GALNT1: variants seen among roughly 807,000 people sequenced by gnomAD.
GALNT1 encodes polypeptide N-acetylgalactosaminyltransferase 1.
In GALNT1, 17 loss-of-function variants were observed where a neutral mutation model predicts 65.7. The observed-to-expected ratio is 0.26, with a 90% CI of 0.18 to 0.39. The LOEUF is 0.39. Among genes scored for constraint, GALNT1 ranks in the 10% least tolerant of loss-of-function variants. The pLI is 1.00. For synonymous variants in GALNT1, 210 were observed against 219.7 expected, an observed-to-expected ratio of 0.96 and a Z score of 0.39; for missense variants, 460 against 672.8, an observed-to-expected ratio of 0.68 and a Z score of 3.50.
chr18:35,638,656 G>A lies in GALNT1; in HGVS notation c.-103-15904G>A, dbSNP rs566226690. 4.6e-5 allele frequency among the ~76,000 whole-genome samples: 7 copies of A among 152,230 alleles called. No individual in the cohort carries two copies. In the East Asian group the frequency reaches 9.7e-4, roughly 21 times the overall value. On this transcript the variant is annotated intron_variant, in intron 1 of 11. Transcript: ENST00000269195. ...TTCTGAAGCTTTTGTAAAATCTCCC[G>A]GCCTTCCAAGAAGGTTTGCATCTTT...
At position 35,687,093 on chromosome 18, in the gene GALNT1, A is replaced by G. The variant is rs1490449464; in HGVS notation, c.767A>G (p.Tyr256Cys). 1.9e-6 allele frequency: 3 copies of G among 1,613,950 alleles called. No homozygotes were observed. The highest frequency in any genetic ancestry group is 1.1e-5 in the South Asian group (1 of 91,082). The stretch of plus-strand genomic sequence containing the variant: ...TACATGGCAGGCTCTGATATGACCT[A>G]TGGTGGGTTCAACTGGAAGCTCAAT... ...FEYMAGSDMT[Y>C]GGFNWKLNFR... The change falls in exon 6 of 12, where the codon TAT (tyrosine) becomes TGT (cysteine). Residue 256 changes from tyrosine (Y) to cysteine (C), a missense_variant. Tyr to Cys is a radical substitution (Grantham distance 194). Transcript: ENST00000269195.
chr18:35,604,878 G>A (rs747361155), intron 1 of GALNT1, among the ~76,000 whole-genome samples: 7 of 152,064 alleles, frequency 4.6e-5, no homozygotes, highest in African/African-American at 1.2e-4. Flanking sequence ...TAGAAACTGC[G>A]TAAATTAGGA....
chr18:35,668,223 A>G (rs982156796), intron 3 of GALNT1, among the ~76,000 whole-genome samples: 1 of 152,204 alleles, frequency 6.6e-6, no homozygotes, highest in Non-Finnish European at 1.5e-5. Context: ...ATAAAAACGT[A>G]CAGTAGAGGA....
chr18:35,699,317 A>G (rs2048116604), intron 9 of GALNT1, among the ~76,000 whole-genome samples: 1 of 152,240 alleles, frequency 6.6e-6, no homozygotes, highest in Non-Finnish European at 1.5e-5. Context: ...ATCTACTTCA[A>G]CCAAGAAAAG....
intron 1 of GALNT1, among the ~76,000 whole-genome samples, chr18:35,611,574 A>G (rs938336371): frequency 2.0e-5 from 3 of 152,226 alleles, no homozygotes; most frequent in Admixed American, 6.5e-5. Flanking sequence ...ATAAAATTCA[A>G]TCAAGGTCCA....
At chr18:35,616,281 CTA>C (rs1306058904) in intron 1 of GALNT1, among the ~76,000 whole-genome samples, 1 of 152,078 alleles carries the variant, frequency 6.6e-6, no homozygotes, top group Non-Finnish European at 1.5e-5. Context: ...CATGTATAGT[CTA>C]TGTGACGCTG....
At chr18:35,699,150 G>A (rs148924537) in intron 9 of GALNT1, among the ~76,000 whole-genome samples, 19 of 152,146 alleles carry the variant, frequency 1.2e-4, no homozygotes, top group African/African-American at 3.6e-4. Context: ...TATAACTAAT[G>A]TATGCCCCCT....
At chr18:35,649,729 G>C (rs757291064) in intron 1 of GALNT1, among the ~76,000 whole-genome samples, 1 of 152,128 alleles carries the variant, frequency 6.6e-6, no homozygotes, top group Non-Finnish European at 1.5e-5. Context: ...TCAAAAATTT[G>C]AGTTAATATT....
chr18:35,695,332 C>CAAGT (rs1245891437), intron 9 of GALNT1, among the ~76,000 whole-genome samples: 1 of 152,006 alleles, frequency 6.6e-6, no homozygotes, highest in Non-Finnish European at 1.5e-5. Context: ...GGAATGGGAA[C>CAAGT]AAGTGCAGGG....
intron 1 of GALNT1, among the ~76,000 whole-genome samples, chr18:35,622,984 C>T (rs1233642388): frequency 2.0e-5 from 3 of 152,128 alleles, no homozygotes; most frequent in Admixed American, 1.3e-4. Flanking sequence ...CTCTTACCCA[C>T]ACCTCCATTC....
intron 3 of GALNT1, among the ~76,000 whole-genome samples, chr18:35,674,042 T>A (rs2047671424): frequency 6.6e-6 from 1 of 152,204 alleles, no homozygotes; most frequent in African/African-American, 2.4e-5. Context: ...CAATAGTGTT[T>A]GTGTATCTAA....
chr18:35,663,909 C>T, intron 3 of GALNT1, 107 bp downstream of exon 3: 3 of 955,384 alleles, frequency 3.1e-6, no homozygotes, highest in Non-Finnish European at 4.9e-6. Flanking sequence ...TGTTATATCA[C>T]TATGTTACTA....
chr18:35,639,024 G>GCTAT (rs1379149891), intron 1 of GALNT1, among the ~76,000 whole-genome samples: 1 of 152,200 alleles, frequency 6.6e-6, no homozygotes, highest in Non-Finnish European at 1.5e-5. Context: ...CTCCTTGTGA[G>GCTAT]GATGCTATGA....
chr18:35,647,880 G>T (rs2047251772), intron 1 of GALNT1, among the ~76,000 whole-genome samples: 1 of 151,974 alleles, frequency 6.6e-6, no homozygotes, highest in Non-Finnish European at 1.5e-5. Context: ...TTTGGCATGT[G>T]ATATTAAGAA....
At chr18:35,692,618 C>T (rs976244762) in intron 9 of GALNT1, among the ~76,000 whole-genome samples, 4 of 150,974 alleles carry the variant, frequency 2.6e-5, no homozygotes, top group African/African-American at 9.8e-5. Context: ...CAGACTGCAC[C>T]ATCTGCAATT....
intron 1 of GALNT1, among the ~76,000 whole-genome samples, chr18:35,618,636 A>G (rs971261546): frequency 1.3e-5 from 2 of 152,178 alleles, no homozygotes; most frequent in Non-Finnish European, 2.9e-5. Context: ...TGTGAATTAA[A>G]TAGCAGGTTT....
intron 1 of GALNT1, among the ~76,000 whole-genome samples, chr18:35,586,222 T>C (rs2046376587): frequency 6.6e-6 from 1 of 152,222 alleles, no homozygotes; most frequent in African/African-American, 2.4e-5. Flanking sequence ...ACTTCTCATG[T>C]GCTTATTTGT....
chr18:35,644,067 G>A (rs16966948), intron 1 of GALNT1, among the ~76,000 whole-genome samples: 14,508 of 152,004 alleles, frequency 0.095, 839 homozygotes, highest in African/African-American at 0.17. Flanking sequence ...TGAAACATTC[G>A]AGCCAATAAA....
At chr18:35,643,032 C>T (rs890942120) in intron 1 of GALNT1, among the ~76,000 whole-genome samples, 13 of 152,090 alleles carry the variant, frequency 8.5e-5, no homozygotes, top group African/African-American at 2.7e-4. Context: ...GAGTCAGGTC[C>T]TGTGGTCAGC....
Sources: allele counts gnomAD v4.1 joint callset (sites outside exome capture counted in the v4.1 genomes callset), GRCh38; gene constraint gnomAD v4.1.1; transcripts MANE v1.5; gene names NCBI Gene and HGNC (gene_info 2026-07-23, HGNC 2026-07-21).